The following ELAPOR2 variants were observed in gnomAD, a reference collection of about 807,000 sequenced individuals.
The protein encoded by ELAPOR2 is endosome-lysosome associated apoptosis and autophagy regulator family member 2.
A neutral mutation model predicts 120.7 loss-of-function variants in ELAPOR2; 89 were observed. The ratio of observed to expected loss-of-function variants is 0.74; its 90% CI spans 0.62 to 0.88. The LOEUF is 0.88. Among genes scored for constraint, ELAPOR2 ranks in the 40% least tolerant of loss-of-function variants. The probability of loss-of-function intolerance (pLI) is 0.00; values close to 1 mark genes in which losing one functional copy is unlikely to be tolerated. For synonymous variants in ELAPOR2, 444 were observed against 444.9 expected (o/e 1.00, Z 0.03); for missense variants, 1,134 against 1,251.6 (o/e 0.91, Z 1.42).
chr7:87,031,723 C>A (rs926396794), intron 1 of ELAPOR2, among the ~76,000 whole-genome samples: 1 of 152,068 alleles, frequency 6.6e-6, no homozygotes, highest in African/African-American at 2.4e-5. Context: ...ATTTAATGAT[C>A]ATAGATTACA....
chr7:87,055,179 C>T (rs1046353552), intron 1 of ELAPOR2, among the ~76,000 whole-genome samples: 1 of 152,204 alleles, frequency 6.6e-6, no homozygotes, highest in African/African-American at 2.4e-5. Flanking sequence ...TACTCAACAG[C>T]TCTACATAAA....
intron 1 of ELAPOR2, among the ~76,000 whole-genome samples, chr7:86,998,413 G>A (rs1478898523): frequency 6.6e-6 from 1 of 152,176 alleles, no homozygotes; most frequent in Non-Finnish European, 1.5e-5. Flanking sequence ...GTTCACCGAT[G>A]TCAAGCGATT....
intron 6 of ELAPOR2, 124 bp downstream of exon 6, chr7:86,939,886 A>G (rs1378993141): frequency 2.0e-6 from 1 of 505,680 alleles, no homozygotes; most frequent in Non-Finnish European, 3.4e-6. Context: ...GACCTATATG[A>G]TTCCCTAACA....
intron 1 of ELAPOR2, among the ~76,000 whole-genome samples, chr7:87,023,780 C>T (rs1201995012): frequency 6.6e-6 from 1 of 152,280 alleles, no homozygotes; most frequent in African/African-American, 2.4e-5. Context: ...AGGTCCTTCA[C>T]ATCCCTTGTA....
At chr7:87,040,217 C>T (rs1321767039) in intron 1 of ELAPOR2, among the ~76,000 whole-genome samples, 3 of 152,260 alleles carry the variant, frequency 2.0e-5, no homozygotes, top group African/African-American at 7.2e-5. Context: ...ATTGCCCAGG[C>T]TTGCTTAGGT....
chr7:87,056,795 G>T (rs1217816937), intron 1 of ELAPOR2, among the ~76,000 whole-genome samples: 1 of 152,130 alleles, frequency 6.6e-6, no homozygotes, highest in East Asian at 1.9e-4. Context: ...TCTTCCTTTA[G>T]TTGCTTTCCT....
intron 18 of ELAPOR2, 128 bp from the exon 19 acceptor site, chr7:86,897,760 T>G: frequency 9.7e-7 from 1 of 1,034,718 alleles, no homozygotes; most frequent in South Asian, 1.6e-5. Context: ...GAAACACAAG[T>G]GGAAAAAAGT....
chr7:87,027,674 A>G (rs1225444861), intron 1 of ELAPOR2, among the ~76,000 whole-genome samples: 1 of 152,200 alleles, frequency 6.6e-6, no homozygotes, highest in Non-Finnish European at 1.5e-5. Context: ...GAAGAGACAC[A>G]CAGGGAGAAG....
intron 5 of ELAPOR2, chr7:86,941,351 C>G (rs763278941): frequency 1.9e-6 from 1 of 532,500 alleles, no homozygotes; most frequent in Non-Finnish European, 3.9e-6. Flanking sequence ...TGAATTGTTA[C>G]CTGGTAATTG....
chr7:87,055,974 A>C (rs1012743925), intron 1 of ELAPOR2, among the ~76,000 whole-genome samples: 4 of 152,244 alleles, frequency 2.6e-5, no homozygotes, highest in African/African-American at 9.6e-5. Context: ...TAAATAATAC[A>C]GACATAATCC....
intron 18 of ELAPOR2, among the ~76,000 whole-genome samples, chr7:86,899,903 GT>G (rs551548932): frequency 1.5e-4 from 23 of 150,794 alleles, no homozygotes; most frequent in South Asian, 6.3e-4. Flanking sequence ...AAGATAGGTG[GT>G]TTTTTTTTAA....
Position 86,926,882 on chromosome 7 carries a change from AT to A in ELAPOR2, c.1123del (p.Ile375SerfsTer76), listed in dbSNP as rs1461848451. On this transcript the variant is annotated frameshift_variant, in exon 9 of 22. Coordinates refer to ENST00000450689, the MANE Select transcript of ELAPOR2 (RefSeq NM_001142749.3). LOFTEE classifies it high-confidence loss of function. ...QIMYKWIEPK[I>X]CREDLTDAIR... Reference sequence around the variant, plus strand: ...AGCATCTGTGAGATCCTCCCGGCAGATTTTGGGCTCTATCCACTTGTACATT... The same window carrying A: ...AGCATCTGTGAGATCCTCCCGGCAGATTTGGGCTCTATCCACTTGTACATT... 5.3e-6 allele frequency: 7 copies of A among 1,323,996 alleles called. No individual in the cohort carries two copies. Among genetic ancestry groups the A allele is most frequent in the Non-Finnish European group, 7.2e-6 (7 of 972,404 alleles). The allele number at this position is 1,323,996 out of a possible 1,614,324, so 82.0% of individuals were successfully genotyped here. A position where few individuals can be genotyped will look rare whatever the true frequency, so the allele number is the denominator to read the frequency against.
intron 1 of ELAPOR2, among the ~76,000 whole-genome samples, chr7:86,999,838 C>A (rs1421210669): frequency 4.6e-5 from 7 of 152,130 alleles, no homozygotes; most frequent in African/African-American, 7.2e-5. Context: ...AGGATAAACT[C>A]TTTGCATTTC....
At chr7:86,952,491 A>C (rs1791299844) in intron 2 of ELAPOR2, among the ~76,000 whole-genome samples, 1 of 152,224 alleles carries the variant, frequency 6.6e-6, no homozygotes, top group African/African-American at 2.4e-5. Flanking sequence ...TTCCAACCAA[A>C]TTAATCATCA....
chr7:86,893,738 A>G (rs868415721), intron 19 of ELAPOR2, among the ~76,000 whole-genome samples: 87 of 152,184 alleles, frequency 5.7e-4, no homozygotes, highest in African/African-American at 2.0e-3. Context: ...CATCCTCCCG[A>G]AATAGATGGC....
intron 21 of ELAPOR2, among the ~76,000 whole-genome samples, chr7:86,880,927 G>A (rs1020644315): frequency 2.0e-5 from 3 of 151,736 alleles, no homozygotes; most frequent in Admixed American, 1.3e-4. Flanking sequence ...GGATAATATA[G>A]GCAGAATAAT....
intron 2 of ELAPOR2, among the ~76,000 whole-genome samples, chr7:86,956,834 T>C (rs1791491349): frequency 6.6e-6 from 1 of 152,214 alleles, no homozygotes; most frequent in Admixed American, 6.5e-5. Flanking sequence ...TCAGAGTATG[T>C]GATGAGGTCA....
intron 10 of ELAPOR2, among the ~76,000 whole-genome samples, 163 bp from the exon 11 acceptor site, chr7:86,919,473 C>T (rs1789722567): frequency 6.6e-6 from 1 of 152,126 alleles, no homozygotes; most frequent in South Asian, 2.1e-4. Context: ...CAAATTTCAT[C>T]CCGAGGTAGA....
chr7:86,893,745 T>C (rs1404697861), intron 19 of ELAPOR2, among the ~76,000 whole-genome samples: 5 of 152,032 alleles, frequency 3.3e-5, no homozygotes, highest in African/African-American at 9.7e-5. Context: ...CCGAAATAGA[T>C]GGCAATTCCT....
Sources: gnomAD v4.1 joint callset for allele counts (sites outside exome capture counted in the v4.1 genomes callset) on GRCh38, gnomAD v4.1.1 for gene constraint, MANE v1.5 for transcripts, NCBI Gene and HGNC (gene_info 2026-07-23, HGNC 2026-07-21) for gene names.